UMOD: variants seen among roughly 807,000 people sequenced by gnomAD.
UMOD encodes Tamm-Horsfall urinary glycoprotein.
UMOD carries 64 observed loss-of-function variants against 66.0 expected under a neutral mutation model. The observed-to-expected ratio is 0.97, with a 90% CI of 0.79 to 1.19. The LOEUF is 1.19. Among genes scored for constraint, UMOD ranks in the 50% most tolerant of loss-of-function variants. The pLI is 0.00. For synonymous variants in UMOD, 398 were observed against 352.7 expected (o/e 1.13, Z -1.44); for missense variants, 764 against 850.9 (o/e 0.90, Z 1.27).
intron 5 of UMOD, among the ~76,000 whole-genome samples, chr16:20,344,772 A>G (rs1965448684): frequency 6.6e-6 from 1 of 152,186 alleles, no homozygotes; most frequent in Non-Finnish European, 1.5e-5. Context: ...CTCCTGAGTC[A>G]TAGCATTAGT....
At chr16:20,352,964 C>T (rs1444993193), upstream of UMOD, 7 of 376,512 alleles carry the variant, frequency 1.9e-5, no homozygotes, top group Non-Finnish European at 2.8e-5. Flanking sequence ...CACTGTTTCG[C>T]ACCTTCTAAC....
At chr16:20,355,771 C>T (rs574181639), upstream of UMOD, among the ~76,000 whole-genome samples, 1 of 152,278 alleles carries the variant, frequency 6.6e-6, no homozygotes, top group African/African-American at 2.4e-5. Context: ...AGAACAATCA[C>T]CCACTGAGCA....
At chr16:20,347,518 T>A (rs1260745712) in intron 4 of UMOD, among the ~76,000 whole-genome samples, 2 of 152,252 alleles carry the variant, frequency 1.3e-5, no homozygotes, top group African/African-American at 2.4e-5. Context: ...TTCTTTTTAG[T>A]AACTTTTATT....
In UMOD at chr16:20,343,923, A is replaced by G. The variant is rs1372665457; in HGVS notation, c.1331+101T>C. ...TGGGCAACCCTGATTCCCAGCCCTC[A>G]CTCCCAGCTCCCTGTGGGTGGCAGT... On this transcript the variant is annotated intron_variant, in intron 6 of 10. Coordinates refer to ENST00000396138, the MANE Select transcript of UMOD (RefSeq NM_003361.4). The G allele has an allele frequency of 5.4e-5, 78 of 1,445,034 alleles. 2 individuals carry two copies. In the South Asian group the frequency reaches 8.6e-4, roughly 16 times the overall value. The allele number at this position is 1,445,034 out of a possible 1,614,324, so 89.5% of individuals were successfully genotyped here. A position where few individuals can be genotyped will look rare whatever the true frequency, so the allele number is the denominator to read the frequency against.
chr16:20,350,585 C>A lies in UMOD; in HGVS notation c.88+65G>T, dbSNP rs997744550. The A allele has an allele frequency of 2.5e-6, 4 of 1,588,582 alleles. No homozygotes were observed. The East Asian group carries it at 6.7e-5, about 27-fold the overall frequency. On this transcript the variant is annotated intron_variant, in intron 2 of 10. Coordinates refer to ENST00000396138, the MANE Select transcript of UMOD (RefSeq NM_003361.4). ...ACCTCTGACAGGTGCTACATTGCTT[C>A]CCCCACACATTCACACATACACGTG... is the stretch of plus-strand genomic sequence containing the variant.
At chr16:20,341,803 G>T (rs980818886) in intron 6 of UMOD, among the ~76,000 whole-genome samples, 1 of 152,184 alleles carries the variant, frequency 6.6e-6, no homozygotes, top group Non-Finnish European at 1.5e-5. Flanking sequence ...CCTACAACTT[G>T]CGTCCTGGCC....
intron 2 of UMOD, among the ~76,000 whole-genome samples, 184 bp from the exon 3 acceptor site, chr16:20,349,396 A>G (rs1429022679): frequency 1.3e-5 from 2 of 152,216 alleles, no homozygotes; most frequent in African/African-American, 4.8e-5. Context: ...TCCACCGTTC[A>G]TTCTGTGTTT....
In UMOD at chr16:20,336,619, A is replaced by G. The variant is rs888117409; in HGVS notation, c.1822+27T>C. The G allele has an allele frequency of 3.1e-6, 5 of 1,607,452 alleles. No individual in the cohort carries two copies. In the African/African-American group the frequency reaches 5.3e-5, roughly 17 times the overall value. Reference sequence around the variant, plus strand: ...CTCCAGAAATCTTTCCCAGCCAGGAATGTTGAGGAGCGAGTGGCTCTCTTA... The same window carrying G: ...CTCCAGAAATCTTTCCCAGCCAGGAGTGTTGAGGAGCGAGTGGCTCTCTTA... On this transcript the variant is annotated intron_variant, in intron 9 of 10. Transcript: ENST00000396138.
intron 5 of UMOD, among the ~76,000 whole-genome samples, chr16:20,345,042 C>T (rs1965466045): frequency 6.6e-6 from 1 of 152,188 alleles, no homozygotes; most frequent in Non-Finnish European, 1.5e-5. Context: ...GGGACAGAGT[C>T]TCACTCTGTC....
rs1336248874 is a variant in UMOD at position 20,349,074 on chromosome 16, T to C, written c.227A>G (p.Asn76Ser). ...LDECAIPGAH[N>S]CSANSSCVNT... ...TACGCAGCTGCTGTTGGCGGAGCAGTTGTGAGCTCCAGGAATGGCGCACTC... is the reference window on the plus strand; with the variant it reads ...TACGCAGCTGCTGTTGGCGGAGCAGCTGTGAGCTCCAGGAATGGCGCACTC... The change falls in exon 3 of 11, where the codon AAC becomes AGC. Residue 76 changes from asparagine (N) to serine (S), a missense_variant. By Grantham distance (46) the Asn-to-Ser change is conservative. Coordinates refer to ENST00000396138, the MANE Select transcript of UMOD (RefSeq NM_003361.4). 1.2e-6 allele frequency: 2 copies of C among 1,611,582 alleles called. No individual in the cohort carries two copies. The highest frequency in any genetic ancestry group is 1.7e-6 in the Non-Finnish European group (2 of 1,179,030).
intron 2 of UMOD, among the ~76,000 whole-genome samples, chr16:20,350,139 G>C (rs1410490999): frequency 6.6e-6 from 1 of 152,094 alleles, no homozygotes. Context: ...TTTTAACCAG[G>C]ACACCGCAAT....
chr16:20,338,673 T>C (rs940531535), intron 7 of UMOD, among the ~76,000 whole-genome samples: 3 of 152,094 alleles, frequency 2.0e-5, no homozygotes, highest in Non-Finnish European at 4.4e-5. Context: ...CTTGTATTTT[T>C]AGTACAGACA....
At chr16:20,354,204 T>C (rs1391902690), upstream of UMOD, among the ~76,000 whole-genome samples, 1 of 152,174 alleles carries the variant, frequency 6.6e-6, no homozygotes, top group East Asian at 1.9e-4. Context: ...TGAATTGCTC[T>C]TTTCAGGACA....
Position 20,348,557 on chromosome 16 carries a change from G to A in UMOD, c.744C>T (p.Cys248=), listed in dbSNP as rs886043751. The A allele has an allele frequency of 1.3e-6, 2 of 1,598,610 alleles. No homozygotes were observed. Among genetic ancestry groups the A allele is most frequent in the Non-Finnish European group, 8.5e-7 (1 of 1,176,724 alleles). The change falls in exon 3 of 11, where the codon TGC becomes TGT. Residue 248 remains cysteine, a synonymous_variant. Transcript: ENST00000396138. The part of the protein sequence containing the change: ...SDEGIVSRKA[C]AHWSGHCCLW... ...GGCAGCAGTGGCCGCTCCAGTGCGC[G>A]CAGGCCTTGCGGCTCACGATGCCCT...
At chr16:20,340,240 T>C (rs1403802698) in intron 7 of UMOD, among the ~76,000 whole-genome samples, 1 of 152,040 alleles carries the variant, frequency 6.6e-6, no homozygotes, top group Non-Finnish European at 1.5e-5. Context: ...TGTATGGTGG[T>C]GTGTGCCTGT....
chr16:20,340,771 A>G (rs1418711208), intron 7 of UMOD, among the ~76,000 whole-genome samples: 1 of 151,934 alleles, frequency 6.6e-6, no homozygotes, highest in African/African-American at 2.4e-5. Flanking sequence ...AAGGGGGTGG[A>G]TCACTTGAGG....
Position 20,344,156 on chromosome 16 carries a change from GCAT to G in UMOD, c.1196_1198del (p.His399_Ala400delinsPro). 1.9e-6 allele frequency: 3 copies of G among 1,592,602 alleles called. No homozygotes were observed. The highest frequency in any genetic ancestry group is 2.6e-6 in the Non-Finnish European group (3 of 1,167,446). ...CAGGTAGAGGGTGTTGCTGTAAGTG[GCAT>G]GGGTTTCATTCCTCTGTTGCAGGGA... On this transcript the variant is annotated inframe_deletion, in exon 6 of 11. Transcript: ENST00000396138.
Position 20,336,743 on chromosome 16 carries a change from A to G in UMOD, c.1741-16T>C, listed in dbSNP as rs1964895225. ...CAGAGCAGGTCTACAGGGAGAGGGC[A>G]ATAGAAAAACACCCTCCATGAAGGA... On this transcript the variant is annotated splice_polypyrimidine_tract_variant and intron_variant, in intron 8 of 10. Coordinates refer to ENST00000396138, the MANE Select transcript of UMOD (RefSeq NM_003361.4). 1.2e-6 allele frequency: 2 copies of G among 1,612,642 alleles called. No homozygotes were observed. The highest frequency in any genetic ancestry group is 1.7e-6 in the Non-Finnish European group (2 of 1,178,746).
intron 7 of UMOD, 52 bp downstream of exon 7, chr16:20,341,039 G>A (rs1459987224): frequency 2.2e-6 from 3 of 1,361,116 alleles, no homozygotes; most frequent in African/African-American, 1.5e-5. Flanking sequence ...CAAGTCCAAA[G>A]ACCCCCTCTG....
Sources: gnomAD v4.1 joint callset for allele counts (sites outside exome capture counted in the v4.1 genomes callset) on GRCh38, gnomAD v4.1.1 for gene constraint, MANE v1.5 for transcripts, NCBI Gene and HGNC (gene_info 2026-07-23, HGNC 2026-07-21) for gene names.